MRPL15: variants seen among roughly 807,000 people sequenced by gnomAD.
MRPL15 encodes mitochondrial ribosomal protein L15, also known as large ribosomal subunit protein uL15m.
A neutral mutation model predicts 28.0 loss-of-function variants in MRPL15; 24 were observed. That is an observed-to-expected ratio of 0.86 (90% CI 0.62 to 1.21). MRPL15 has a LOEUF of 1.21. Among genes scored for constraint, MRPL15 ranks in the 50% most tolerant of loss-of-function variants. The pLI is 0.00. For missense variants in MRPL15, 343 were observed against 372.4 expected, an observed-to-expected ratio of 0.92 and a Z score of 0.65; for synonymous variants, 124 against 137.0, an observed-to-expected ratio of 0.90 and a Z score of 0.66.
In MRPL15 at chr8:54,143,087, CT is replaced by C. The variant is rs563610061; in HGVS notation, c.553+312del. Among the ~76,000 whole-genome samples, 138 of 146,996 alleles carry C rather than the reference CT, an allele frequency of 9.4e-4. 1 individual carries two copies. Among genetic ancestry groups the C allele is most frequent in the Non-Finnish European group, 1.4e-3 (95 of 66,210 alleles). On this transcript the variant is annotated intron_variant, in intron 4 of 4. Transcript: ENST00000260102. Reference sequence around the variant, plus strand: ...CATGTCTGAAATGTCTCTTTTCTCTCTTTTTTTTTTTAAGACAGAGTCTTGC... The same window carrying C: ...CATGTCTGAAATGTCTCTTTTCTCTCTTTTTTTTTTAAGACAGAGTCTTGC...
chr8:54,135,631 TCTC>T (rs1810816930), intron 1 of MRPL15, among the ~76,000 whole-genome samples: 1 of 149,244 alleles, frequency 6.7e-6, no homozygotes, highest in African/African-American at 2.5e-5. Flanking sequence ...CAGAAGCAAT[TCTC>T]CTGCCTCAGC....
In MRPL15 at chr8:54,135,289, C is replaced by G. The variant is rs781349094; in HGVS notation, c.6C>G (p.Ala2=). Reference sequence around the variant, plus strand: ...AGTTCTTGGATCTGCGGGTTATGGCCGGTCCCTTGCAGGGCGGTGGGGCCC... The same window carrying G: ...AGTTCTTGGATCTGCGGGTTATGGCGGGTCCCTTGCAGGGCGGTGGGGCCC... M[A]GPLQGGGARA... Residue 2 remains alanine, a synonymous_variant, in exon 1 of 5, where the codon GCC becomes GCG. Coordinates refer to ENST00000260102, the MANE Select transcript of MRPL15 (RefSeq NM_014175.4). 2 of 1,379,012 alleles carry G rather than the reference C, an allele frequency of 1.5e-6. No homozygotes were observed. Among genetic ancestry groups the G allele is most frequent in the East Asian group, 3.1e-5 (1 of 32,690 alleles). The allele number at this position is 1,379,012 out of a possible 1,614,324, so 85.4% of individuals were successfully genotyped here.
intron 1 of MRPL15, among the ~76,000 whole-genome samples, chr8:54,135,774 C>G (rs569437036): frequency 1.8e-4 from 28 of 152,100 alleles, no homozygotes; most frequent in South Asian, 8.3e-4. Context: ...CCGCCTGCCT[C>G]GGCCTCCCAA....
Position 54,148,223 on chromosome 8 carries a change from T to C in MRPL15, c.*504T>C, listed in dbSNP as rs1202694304. Among the ~76,000 whole-genome samples, 5 of 152,182 alleles carry C rather than the reference T, an allele frequency of 3.3e-5. No individual in the cohort carries two copies. The highest frequency in any genetic ancestry group is 1.2e-4 in the African/African-American group (5 of 41,446). On this transcript the variant is annotated 3_prime_UTR_variant, in exon 5 of 5. Coordinates refer to ENST00000260102, the MANE Select transcript of MRPL15 (RefSeq NM_014175.4). ...AGGACGTATGCTTAAGGTGTAAGGC[T>C]GAGGAGTAGCTGGTAGGCAGTATGT...
intron 3 of MRPL15, among the ~76,000 whole-genome samples, 196 bp downstream of exon 3, chr8:54,137,629 AT>A (rs961825834): frequency 6.6e-6 from 1 of 151,842 alleles, no homozygotes; most frequent in Admixed American, 6.6e-5. Flanking sequence ...TGCCCAGCTA[AT>A]TTTATTTGTT....
chr8:54,148,149 C>T lies in MRPL15; in HGVS notation c.*430C>T, dbSNP rs77180248. On this transcript the variant is annotated 3_prime_UTR_variant, in exon 5 of 5. Coordinates refer to ENST00000260102, the MANE Select transcript of MRPL15 (RefSeq NM_014175.4). ...CTTAATCTGTAGCCTCAGGGAAACACGGCTACCCAATGCCAAGATGGTAAA... is the reference window on the plus strand; with the variant it reads ...CTTAATCTGTAGCCTCAGGGAAACATGGCTACCCAATGCCAAGATGGTAAA... 0.019 allele frequency among the ~76,000 whole-genome samples: 2,894 copies of T among 152,224 alleles called. 76 individuals carry two copies. Among genetic ancestry groups the T allele is most frequent in the South Asian group, 0.058 (280 of 4,824 alleles).
At chr8:54,142,834 T>C in intron 4 of MRPL15, 48 bp downstream of exon 4, 5 of 1,607,246 alleles carry the variant, frequency 3.1e-6, no homozygotes, top group Middle Eastern at 3.3e-4. Flanking sequence ...TTGTCTCATG[T>C]TGGCTACTAA....
chr8:54,137,433 G>A lies in MRPL15; in HGVS notation c.429G>A (p.Glu143=), dbSNP rs749107568. The A allele has an allele frequency of 2.1e-5, 34 of 1,613,232 alleles. No homozygotes were observed. Among genetic ancestry groups the A allele is most frequent in the South Asian group, 1.4e-4 (13 of 90,852 alleles). The change falls in exon 3 of 5, where the codon GAG becomes GAA. Residue 143 remains glutamate, a splice_region_variant and synonymous_variant. Coordinates refer to ENST00000260102, the MANE Select transcript of MRPL15 (RefSeq NM_014175.4). ...KRDYGVQLVE[E]GADTFTAKVN... Reference sequence around the variant, plus strand: ...ATTATGGTGTCCAGCTGGTTGAGGAGGTAAGTCTTGATTAGATCTTTTGGT... The same window carrying A: ...ATTATGGTGTCCAGCTGGTTGAGGAAGTAAGTCTTGATTAGATCTTTTGGT...
In MRPL15 at chr8:54,148,350, T is replaced by C. The variant is rs1811082416; in HGVS notation, c.*631T>C. ...ACAGGCAGGCCTTTGTTCTTAGAGC[T>C]CCCAAGATGGTGGTGGCCACTCCCA... On this transcript the variant is annotated 3_prime_UTR_variant, in exon 5 of 5. Transcript: ENST00000260102. Among the ~76,000 whole-genome samples the C allele has an allele frequency of 6.6e-6, 1 of 152,206 alleles. No homozygotes were observed. Among genetic ancestry groups the C allele is most frequent in the Non-Finnish European group, 1.5e-5 (1 of 68,036 alleles).
intron 3 of MRPL15, among the ~76,000 whole-genome samples, chr8:54,137,684 G>C (rs1027287512): frequency 1.1e-4 from 17 of 152,096 alleles, no homozygotes; most frequent in African/African-American, 3.4e-4. Context: ...GGCTGATCTT[G>C]AACTCCTGAC....
Position 54,147,619 on chromosome 8 carries a change from A to G in MRPL15, c.791A>G (p.Gln264Arg). The G allele has an allele frequency of 6.2e-7, 1 of 1,614,222 alleles. No individual in the cohort carries two copies. ...CTCTGTACTAGGAAGGATCCAAGGC[A>G]GATTTTCTTTGGTCTTGCTCCAGGA... ...KMLCTRKDPRQIFFGLAPGWV... is the reference protein window; with the variant it reads ...KMLCTRKDPRRIFFGLAPGWV... Residue 264 changes from glutamine to arginine, a missense_variant, in exon 5 of 5, where the codon CAG (glutamine) becomes CGG (arginine). Physicochemically the swap from Gln to Arg is conservative, Grantham distance 43. Transcript: ENST00000260102.
In MRPL15 at chr8:54,147,578, T is replaced by A; in HGVS notation, c.750T>A (p.Asp250Glu). The change falls in exon 5 of 5, where the codon GAT becomes GAA. Residue 250 changes from aspartate (D) to glutamate (E), a missense_variant. Coordinates refer to ENST00000260102, the MANE Select transcript of MRPL15 (RefSeq NM_014175.4). ...ATATCTTACCTGATATCACTAAAGA[T>A]GAACTCTTCAAAATGCTCTGTACTA... is the stretch of plus-strand genomic sequence containing the variant. Reference protein sequence around the residue: ...YGYILPDITKDELFKMLCTRK... With the variant: ...YGYILPDITKEELFKMLCTRK... 6.2e-7 allele frequency: 1 copy of A among 1,614,196 alleles called. No individual in the cohort carries two copies. Among genetic ancestry groups the A allele is most frequent in the Non-Finnish European group, 8.5e-7 (1 of 1,180,036 alleles).
chr8:54,141,530 T>G (rs543300534), intron 3 of MRPL15, among the ~76,000 whole-genome samples: 1 of 152,222 alleles, frequency 6.6e-6, no homozygotes, highest in Admixed American at 6.5e-5. Context: ...CAAGGTAGCC[T>G]AAATAAAATG....
intron 1 of MRPL15, among the ~76,000 whole-genome samples, chr8:54,135,772 C>T (rs953354133): frequency 6.6e-6 from 1 of 152,030 alleles, no homozygotes; most frequent in African/African-American, 2.4e-5. Flanking sequence ...ATCCGCCTGC[C>T]TCGGCCTCCC....
At chr8:54,137,606 G>A (rs1357665140) in intron 3 of MRPL15, among the ~76,000 whole-genome samples, 173 bp downstream of exon 3, 1 of 151,342 alleles carries the variant, frequency 6.6e-6, no homozygotes, top group Non-Finnish European at 1.5e-5. Context: ...GGGATTACAG[G>A]CACCCACCAC....
intron 4 of MRPL15, among the ~76,000 whole-genome samples, chr8:54,147,067 T>C (rs1269265173): frequency 6.6e-6 from 1 of 152,152 alleles, no homozygotes; most frequent in Non-Finnish European, 1.5e-5. Flanking sequence ...ACCCCGTCTC[T>C]ACTAAAAATA....
intron 4 of MRPL15, among the ~76,000 whole-genome samples, chr8:54,143,576 GC>G (rs1810969575): frequency 6.6e-6 from 1 of 152,130 alleles, no homozygotes; most frequent in Non-Finnish European, 1.5e-5. Flanking sequence ...CTGTCCTCTT[GC>G]CTGGATGACT....
chr8:54,136,210 TATTTA>T (rs1810825027), intron 1 of MRPL15, among the ~76,000 whole-genome samples: 1 of 152,264 alleles, frequency 6.6e-6, no homozygotes, highest in South Asian at 2.1e-4. Context: ...ATGTTGTGAA[TATTTA>T]ATTCTAGGAT....
intron 3 of MRPL15, 151 bp from the exon 4 acceptor site, chr8:54,142,512 C>T: frequency 2.3e-6 from 2 of 861,486 alleles, no homozygotes; most frequent in Non-Finnish European, 3.5e-6. Flanking sequence ...GGTTGACTCA[C>T]AGATGTGGAA....
Sources: allele counts gnomAD v4.1 joint callset (sites outside exome capture counted in the v4.1 genomes callset), GRCh38; gene constraint gnomAD v4.1.1; transcripts MANE v1.5; gene names NCBI Gene and HGNC (gene_info 2026-07-23, HGNC 2026-07-21).